Variants in IZUMO1 observed in about 807,000 individuals in gnomAD.
IZUMO1 encodes the protein izumo sperm-oocyte fusion 1, also known as izumo sperm-egg fusion protein 1.
A neutral mutation model predicts 40.7 loss-of-function variants in IZUMO1; 44 were observed. That is an observed-to-expected ratio of 1.08 (90% CI 0.85 to 1.39). The LOEUF (loss-of-function observed/expected upper bound fraction) is 1.39, where lower values mean the gene tolerates loss of function less well. IZUMO1 is among the 40% of genes most tolerant of loss of function. The probability of loss-of-function intolerance (pLI) is 0.00; values close to 1 mark genes in which losing one functional copy is unlikely to be tolerated. For missense variants in IZUMO1, 368 were observed against 436.9 expected (o/e 0.84, Z 1.41); for synonymous variants, 149 against 170.9 (o/e 0.87, Z 1.00).
rs201061838 is a variant in IZUMO1, at chr19:48,741,288, A to G, written c.932+13T>C. 1.3e-4 allele frequency: 206 copies of G among 1,577,324 alleles called. No homozygotes were observed. The Middle Eastern group carries it at 1.7e-3, about 13-fold the overall frequency. ...CTCCAAGCCAAGCCTGTCTTCTTCA[A>G]TGGGTTGCTTACGCAAAGGTAAGGC... On this transcript the variant is annotated intron_variant, in intron 9 of 9. Transcript: ENST00000332955. The surrounding 1 kb of genome is among the most constrained non-coding windows in gnomAD (Gnocchi z 4.4).
intron 3 of IZUMO1, 40 bp from the exon 4 acceptor site, chr19:48,744,579 G>A: frequency 6.8e-7 from 1 of 1,461,152 alleles, no homozygotes; most frequent in Non-Finnish European, 9.6e-7. Flanking sequence ...CGTGTGAGGT[G>A]TTGGAAGTTT....
rs371810127 is a variant in IZUMO1, at chr19:48,744,563, A to G, written c.311-24T>C. The G allele has an allele frequency of 4.0e-4, 615 of 1,541,298 alleles. 13 individuals carry two copies. The South Asian group carries it at 6.0e-3, about 15-fold the overall frequency. On this transcript the variant is annotated intron_variant, in intron 3 of 9. Coordinates refer to ENST00000332955, the MANE Select transcript of IZUMO1 (RefSeq NM_182575.3). ...GCCTGGGAAGACACAGGAACCCCCA[A>G]TCCCACGTGTGAGGTGTTGGAAGTT...
Position 48,741,851 on chromosome 19 carries a change from T to C in IZUMO1, c.692A>G (p.Tyr231Cys). 2 of 1,611,334 alleles carry C rather than the reference T, an allele frequency of 1.2e-6. No homozygotes were observed. The highest frequency in any genetic ancestry group is 8.5e-7 in the Non-Finnish European group (1 of 1,177,910). ...ATTCACAGAGCCCAGCTCGCAGCGG[T>C]AGCTGCCTGCATCCTCTGGACCCAC... The part of the protein sequence containing the change: ...PMVGPEDAGS[Y>C]RCELGSVNSS... The change falls in exon 8 of 10, where the codon TAC becomes TGC. Residue 231 changes from tyrosine to cysteine, a missense_variant. By Grantham distance (194) the Tyr-to-Cys change is radical. Coordinates refer to ENST00000332955, the MANE Select transcript of IZUMO1 (RefSeq NM_182575.3). The surrounding 1 kb of genome is among the most constrained non-coding windows in gnomAD (Gnocchi z 4.4).
At chr19:48,745,584 T>C in intron 2 of IZUMO1, 41 bp downstream of exon 2, 7 of 1,609,562 alleles carry the variant, frequency 4.3e-6, no homozygotes, top group Non-Finnish European at 6.0e-6. Flanking sequence ...ATCTCCCTCC[T>C]TTCCCAGGAC....
chr19:48,741,676 A>C lies in IZUMO1; in HGVS notation c.754+113T>G. 1.4e-6 allele frequency: 2 copies of C among 1,385,114 alleles called. No homozygotes were observed. Among genetic ancestry groups the C allele is most frequent in the Non-Finnish European group, 1.9e-6 (2 of 1,037,214 alleles). 85.8% of individuals were successfully genotyped at this position (1,385,114 alleles called of 1,614,324 possible). On this transcript the variant is annotated intron_variant, in intron 8 of 9. Transcript: ENST00000332955. The surrounding 1 kb of genome is among the most constrained non-coding windows in gnomAD (Gnocchi z 4.4). Reference sequence around the variant, plus strand: ...GCAGGAAGCCACACCCCGTGCCCCGAAACCACACCCAACAGGAAGTCACGC... The same window carrying C: ...GCAGGAAGCCACACCCCGTGCCCCGCAACCACACCCAACAGGAAGTCACGC...
intron 1 of IZUMO1, 113 bp downstream of exon 1, chr19:48,746,322 A>G: frequency 9.9e-7 from 1 of 1,011,558 alleles, no homozygotes; most frequent in Non-Finnish European, 1.2e-6. Flanking sequence ...CCAGCCCCCC[A>G]AAACCTGTTG....
intron 4 of IZUMO1, 103 bp downstream of exon 4, chr19:48,744,350 G>A: frequency 8.3e-7 from 1 of 1,203,854 alleles, no homozygotes; most frequent in South Asian, 1.2e-5. Context: ...GAGGCAGTTG[G>A]GGAAGCTGAG....
intron 4 of IZUMO1, 61 bp from the exon 5 acceptor site, chr19:48,744,256 A>C: frequency 2.6e-6 from 4 of 1,544,320 alleles, no homozygotes; most frequent in Middle Eastern, 3.4e-4. Flanking sequence ...TTTCTAAATG[A>C]AAGACGATGG....
chr19:48,741,313 C>A lies in IZUMO1; in HGVS notation c.920G>T (p.Gly307Val), dbSNP rs1471762524. The change falls in exon 9 of 10, where the codon GGC (glycine) becomes GTC (valine). Residue 307 changes from glycine (G) to valine (V), a missense_variant. Gly to Val is a moderately radical substitution (Grantham distance 109). Transcript: ENST00000332955. The surrounding 1 kb of genome is among the most constrained non-coding windows in gnomAD (Gnocchi z 4.4). ...ATGGGTTGCTTACGCAAAGGTAAGG[C>A]CGGTTATCAGTGCTAGGGAGCCGCA... ...LICGSLALIT[G>V]LTFAIFRRRK... is the part of the protein sequence containing the mutation. 2 of 1,600,676 alleles carry A rather than the reference C, an allele frequency of 1.2e-6. No individual in the cohort carries two copies. Among genetic ancestry groups the A allele is most frequent in the East Asian group, 2.2e-5 (1 of 44,676 alleles).
Position 48,745,863 on chromosome 19 carries a change from A to G in IZUMO1, c.-4T>C, listed in dbSNP as rs201820078. On this transcript the variant is annotated 5_prime_UTR_variant, in exon 2 of 10. Transcript: ENST00000332955. ...GGAGGGTAAAATGCGGCCCCATTGC[A>G]GCCGGCGCGCACAGTTCCCGAAGAC... The G allele has an allele frequency of 5.2e-4, 841 of 1,614,104 alleles. No individual in the cohort carries two copies. Among genetic ancestry groups the G allele is most frequent in the Admixed American group, 1.6e-3 (97 of 60,022 alleles).
chr19:48,746,824 G>A lies in IZUMO1; in HGVS notation c.-463C>T, dbSNP rs1301420658. On this transcript the variant is annotated 5_prime_UTR_variant, in exon 1 of 10. Transcript: ENST00000332955. ...AGCTTTTCGACGGGGTCTGAGTCAC[G>A]GACGATCCCCTCTCCACAAGGAACT... 1.0e-6 allele frequency: 1 copy of A among 985,328 alleles called. No homozygotes were observed. Among genetic ancestry groups the A allele is most frequent in the Non-Finnish European group, 1.2e-6 (1 of 829,910 alleles). 61.0% of individuals were successfully genotyped at this position (985,328 alleles called of 1,614,324 possible). A position where few individuals can be genotyped will look rare whatever the true frequency, so the allele number is the denominator to read the frequency against.
At chr19:48,743,638 C>T (rs921888141) in intron 5 of IZUMO1, 113 bp from the exon 6 acceptor site, 22 of 809,288 alleles carry the variant, frequency 2.7e-5, no homozygotes, top group South Asian at 2.2e-4. Context: ...GATGGTCAGA[C>T]GAAGGCACAG....
intron 6 of IZUMO1, among the ~76,000 whole-genome samples, chr19:48,742,789 G>A (rs575063614): frequency 2.2e-4 from 30 of 135,732 alleles, no homozygotes; most frequent in South Asian, 7.3e-4. Flanking sequence ...GTGCAGTGGC[G>A]CGATCTTATC....
In IZUMO1 at chr19:48,745,739, G is replaced by A. The variant is rs1460759146; in HGVS notation, c.121C>T (p.Leu41=). The A allele has an allele frequency of 1.2e-6, 2 of 1,614,108 alleles. No homozygotes were observed. Among genetic ancestry groups the A allele is most frequent in the Admixed American group, 1.7e-5 (1 of 60,002 alleles). The change falls in exon 2 of 10, where the codon CTG becomes TTG. Residue 41 remains leucine, a synonymous_variant. Coordinates refer to ENST00000332955, the MANE Select transcript of IZUMO1 (RefSeq NM_182575.3). ...TGCTTCGCATCCAGGTGGCCAGGCA[G>A]GTAATCTTTCTCCAGGGACTTTAGC... ...LALKSLEKDY[L]PGHLDAKHHK...
chr19:48,742,037 T>C (rs2033716434), intron 7 of IZUMO1, 95 bp from the exon 8 acceptor site: 2 of 1,534,162 alleles, frequency 1.3e-6, no homozygotes, highest in Non-Finnish European at 1.8e-6. Flanking sequence ...GTGTGGGAGG[T>C]GAGTGTCCAG....
chr19:48,741,422 C>T lies in IZUMO1; in HGVS notation c.811G>A (p.Glu271Lys). ...KPSPNIVTPG[E>K]ATTESSISLQ... ...CTTATGGACGACTCCGTGGTCGCCT[C>T]CCCCGGGGTTACGATATTTGGAGAA... The change falls in exon 9 of 10, where the codon GAG becomes AAG. Residue 271 changes from glutamate to lysine, a missense_variant. Glu to Lys is a moderately conservative substitution (Grantham distance 56). Coordinates refer to ENST00000332955, the MANE Select transcript of IZUMO1 (RefSeq NM_182575.3). This position sits in a 1 kb window ranked among gnomAD's most constrained non-coding sequence, Gnocchi z 4.4. 2 of 1,613,172 alleles carry T rather than the reference C, an allele frequency of 1.2e-6. No individual in the cohort carries two copies. The highest frequency in any genetic ancestry group is 1.3e-5 in the African/African-American group (1 of 75,032).
chr19:48,742,715 T>TTC (rs1293603180), intron 6 of IZUMO1, among the ~76,000 whole-genome samples: 20 of 142,354 alleles, frequency 1.4e-4, no homozygotes, highest in East Asian at 6.6e-4. Flanking sequence ...TCTCTTTTCT[T>TTC]TCTCTCTCTC....
Position 48,741,662 on chromosome 19 carries a change from C to A in IZUMO1, c.754+127G>T, listed in dbSNP as rs1239582667. On this transcript the variant is annotated intron_variant, in intron 8 of 9. Transcript: ENST00000332955. The surrounding 1 kb of genome is among the most constrained non-coding windows in gnomAD (Gnocchi z 4.4). ...AGGCCACGCCCCCGGCAGGAAGCCA[C>A]ACCCCGTGCCCCGAAACCACACCCA... 3.8e-6 allele frequency: 5 copies of A among 1,329,078 alleles called. No homozygotes were observed. The highest frequency in any genetic ancestry group is 2.1e-4 in the Middle Eastern group (1 of 4,790). The allele number at this position is 1,329,078 out of a possible 1,614,324, so 82.3% of individuals were successfully genotyped here.
At chr19:48,745,165 G>T (rs192305028) in intron 3 of IZUMO1, 49 bp downstream of exon 3, 1,039 of 1,488,196 alleles carry the variant, frequency 7.0e-4, no homozygotes, top group Non-Finnish European at 8.8e-4. Flanking sequence ...CATCACTAAC[G>T]CTGGCTTCTC....
Sources: allele counts gnomAD v4.1 joint callset (sites outside exome capture counted in the v4.1 genomes callset), GRCh38; gene constraint gnomAD v4.1.1; non-coding constraint Gnocchi (gnomAD v3.1); transcripts MANE v1.5; gene names NCBI Gene and HGNC (gene_info 2026-07-23, HGNC 2026-07-21).